The following PIGZ variants were observed in gnomAD, a reference collection of about 807,000 sequenced individuals.
The protein encoded by PIGZ is phosphatidylinositol glycan anchor biosynthesis class Z (Gwada blood group).
Under a neutral mutation model 16.4 loss-of-function variants are expected in PIGZ, and 16 were observed. The observed-to-expected ratio is 0.97, with a 90% CI of 0.66 to 1.48. The LOEUF is 1.48. Among genes scored for constraint, PIGZ ranks in the 40% most tolerant of loss-of-function variants. The pLI, the probability that PIGZ is intolerant of heterozygous loss-of-function variation, is 0.00. For synonymous variants in PIGZ, 409 were observed against 338.4 expected (o/e 1.21, Z -2.29); for missense variants, 770 against 739.2 (o/e 1.04, Z -0.48).
In PIGZ at chr3:196,947,671, G is replaced by T. The variant is rs755583451; in HGVS notation, c.1226C>A (p.Pro409His). Reference protein sequence around the residue: ...LVLLCSPQTQPVPWKGTVVLF... With the variant: ...LVLLCSPQTQHVPWKGTVVLF... ...GACCACAGTGCCCTTCCAAGGCACA[G>T]GCTGCGTCTGTGGACTACAAAGCAG... The change falls in exon 3 of 3, where the codon CCT becomes CAT. Residue 409 changes from proline to histidine, a missense_variant. Coordinates refer to ENST00000412723, the MANE Select transcript of PIGZ (RefSeq NM_025163.4). 1 of 1,612,354 alleles carries T rather than the reference G, an allele frequency of 6.2e-7. No individual in the cohort carries two copies. The highest frequency in any genetic ancestry group is 8.5e-7 in the Non-Finnish European group (1 of 1,178,984).
intron 2 of PIGZ, among the ~76,000 whole-genome samples, chr3:196,950,378 C>A (rs1489427451): frequency 6.6e-6 from 1 of 152,222 alleles, no homozygotes; most frequent in Non-Finnish European, 1.5e-5. Flanking sequence ...CCCTGTGCCC[C>A]AACGTCCCAG....
chr3:196,960,573 G>A (rs1577896338), intron 1 of PIGZ, among the ~76,000 whole-genome samples: 1 of 152,110 alleles, frequency 6.6e-6, no homozygotes, highest in South Asian at 2.1e-4. Context: ...TCAGGAGGCT[G>A]AGGCAGAATT....
At chr3:196,959,081 C>T (rs1313026234) in intron 1 of PIGZ, among the ~76,000 whole-genome samples, 1 of 152,218 alleles carries the variant, frequency 6.6e-6, no homozygotes, top group East Asian at 1.9e-4. Context: ...GGCTGTTCCT[C>T]AGCGTATGGG....
Position 196,968,832 on chromosome 3 carries a change from C to G in PIGZ, c.-146G>C, listed in dbSNP as rs1046870947. 4.0e-5 allele frequency: 6 copies of G among 149,646 alleles called. No individual in the cohort carries two copies. Among genetic ancestry groups the G allele is most frequent in the African/African-American group, 1.2e-4 (5 of 41,294 alleles). The allele number at this position is 149,646 out of a possible 1,614,324, so 9.3% of individuals were successfully genotyped here. A position where few individuals can be genotyped will look rare whatever the true frequency, so the allele number is the denominator to read the frequency against. On this transcript the variant is annotated 5_prime_UTR_variant, in exon 1 of 3. Transcript: ENST00000412723. ...CGGGCGCGCCTCAGCAGCGCGGAGA[C>G]TGGGGCCGCCGCCGCCGGCGCAGGG...
At chr3:196,968,189 G>T (rs1429992482) in intron 1 of PIGZ, among the ~76,000 whole-genome samples, 1 of 152,180 alleles carries the variant, frequency 6.6e-6, no homozygotes, top group African/African-American at 2.4e-5. Context: ...TGCAGGCCTG[G>T]CCCGAAGTGC....
intron 1 of PIGZ, among the ~76,000 whole-genome samples, chr3:196,956,673 A>C (rs996093781): frequency 2.0e-5 from 3 of 152,160 alleles, no homozygotes; most frequent in African/African-American, 7.2e-5. Context: ...TCTCTTGGCT[A>C]TATGTCGGGT....
chr3:196,957,531 T>C (rs1254715294), intron 1 of PIGZ, among the ~76,000 whole-genome samples: 4 of 151,962 alleles, frequency 2.6e-5, no homozygotes, highest in East Asian at 1.9e-4. Flanking sequence ...TACAGGCGCA[T>C]GCCACCACAC....
rs1224223101 is a variant in PIGZ at position 196,948,993 on chromosome 3, TC to T, written c.212-309del. On this transcript the variant is annotated intron_variant, in intron 2 of 2. Coordinates refer to ENST00000412723, the MANE Select transcript of PIGZ (RefSeq NM_025163.4). ...TTCCCCTCCCCTCCCTTCCCTTCCT[TC>T]CCTTTACTTCTCTTTCCCTCCCCTC... Among the ~76,000 whole-genome samples the T allele has an allele frequency of 4.9e-5, 2 of 41,160 alleles. 1 individual carries two copies. The highest frequency in any genetic ancestry group is 4.7e-4 in the African/African-American group (2 of 4,236). The allele number at this position is 41,160 out of a possible 152,430, so 27.0% of individuals were successfully genotyped here.
intron 2 of PIGZ, among the ~76,000 whole-genome samples, chr3:196,950,495 G>A (rs914051605): frequency 4.6e-5 from 7 of 152,182 alleles, no homozygotes; most frequent in African/African-American, 7.2e-5. Context: ...CATACAGCCT[G>A]CGGATCATTC....
At chr3:196,962,788 CAT>C (rs992399034) in intron 1 of PIGZ, among the ~76,000 whole-genome samples, 73 of 152,070 alleles carry the variant, frequency 4.8e-4, no homozygotes, top group African/African-American at 1.7e-3. Flanking sequence ...CTTTTGTTCA[CAT>C]GTTTTCCTGT....
chr3:196,958,958 T>C (rs1178090203), intron 1 of PIGZ, among the ~76,000 whole-genome samples: 1 of 152,294 alleles, frequency 6.6e-6, no homozygotes, highest in African/African-American at 2.4e-5. Flanking sequence ...TCAAAACTAC[T>C]ATGCGGGAAC....
intron 2 of PIGZ, among the ~76,000 whole-genome samples, chr3:196,950,721 C>G (rs1055979439): frequency 6.6e-6 from 1 of 151,248 alleles, no homozygotes; most frequent in Non-Finnish European, 1.5e-5. Flanking sequence ...TCCAAAATAT[C>G]TATTCCCTCC....
In PIGZ at chr3:196,946,986, C is replaced by G; in HGVS notation, c.*171G>C. 1.0e-5 allele frequency: 6 copies of G among 573,652 alleles called. No individual in the cohort carries two copies. The highest frequency in any genetic ancestry group is 1.8e-5 in the Non-Finnish European group (6 of 336,646). The allele number at this position is 573,652 out of a possible 1,614,324, so 35.5% of individuals were successfully genotyped here. Reference sequence around the variant, plus strand: ...TCTTTGGTCTCAGGGAGAAGAGTGCCAGCTCACCCAGAAGGCAGAACAGCT... The same window carrying G: ...TCTTTGGTCTCAGGGAGAAGAGTGCGAGCTCACCCAGAAGGCAGAACAGCT... On this transcript the variant is annotated 3_prime_UTR_variant, in exon 3 of 3. Coordinates refer to ENST00000412723, the MANE Select transcript of PIGZ (RefSeq NM_025163.4).
At chr3:196,948,791 G>T in intron 2 of PIGZ, 106 bp from the exon 3 acceptor site, 3 of 799,870 alleles carry the variant, frequency 3.8e-6, no homozygotes, top group Non-Finnish European at 5.7e-6. Context: ...TGTGCCCTGC[G>T]TAATCCCTGG....
intron 2 of PIGZ, 47 bp from the exon 3 acceptor site, chr3:196,948,732 G>C (rs1194933998): frequency 2.2e-6 from 3 of 1,391,984 alleles, no homozygotes; most frequent in South Asian, 3.2e-5. Flanking sequence ...CAGGGATGTA[G>C]TGGGCAAAAT....
chr3:196,967,538 C>G (rs1165989972), intron 1 of PIGZ, among the ~76,000 whole-genome samples: 1 of 152,220 alleles, frequency 6.6e-6, no homozygotes, highest in African/African-American at 2.4e-5. Context: ...CTGCTTCTCC[C>G]GCCCTCAGGA....
chr3:196,959,161 T>C (rs1239387861), intron 1 of PIGZ, among the ~76,000 whole-genome samples: 4 of 152,212 alleles, frequency 2.6e-5, no homozygotes, highest in South Asian at 4.1e-4. Context: ...TGGCCTTCGA[T>C]AGCATGGCTC....
chr3:196,947,559 G>A lies in PIGZ; in HGVS notation c.1338C>T (p.Val446=), dbSNP rs758802791. 11 of 1,613,714 alleles carry A rather than the reference G, an allele frequency of 6.8e-6. No individual in the cohort carries two copies. The highest frequency in any genetic ancestry group is 1.3e-5 in the African/African-American group (1 of 74,936). The change falls in exon 3 of 3, where the codon GTC becomes GTT. Residue 446 remains valine (V), a synonymous_variant. Transcript: ENST00000412723. ...VPGLEYLEQV[V]HAPVLPSTPT... ...GTGTGCTTGGGAGCACAGGGGCATG[G>A]ACCACCTGCTCCAGGTACTCCAGGC...
intron 1 of PIGZ, among the ~76,000 whole-genome samples, chr3:196,962,610 C>A (rs1717762844): frequency 6.6e-6 from 1 of 151,212 alleles, no homozygotes; most frequent in African/African-American, 2.4e-5. Flanking sequence ...TAGGAGAAAA[C>A]CGCCCTATGG....
Sources: gnomAD v4.1 joint callset for allele counts (sites outside exome capture counted in the v4.1 genomes callset) on GRCh38, gnomAD v4.1.1 for gene constraint, MANE v1.5 for transcripts, NCBI Gene and HGNC (gene_info 2026-07-23, HGNC 2026-07-21) for gene names.